The following PDSS2 variants were observed in gnomAD, a reference collection of about 807,000 sequenced individuals.
PDSS2 encodes the protein all trans-polyprenyl-diphosphate synthase PDSS2.
In PDSS2, 31 loss-of-function variants were observed where a neutral mutation model predicts 44.5. The observed-to-expected ratio is 0.70, with a 90% confidence interval of 0.52 to 0.94. The LOEUF (loss-of-function observed/expected upper bound fraction) is 0.94, where lower values mean the gene tolerates loss of function less well. Ranked by LOEUF, PDSS2 falls within the 40% of genes least tolerant of loss-of-function variation. The pLI is 0.00. For missense variants in PDSS2, 452 were observed against 482.2 expected (o/e 0.94, Z 0.59); for synonymous variants, 157 against 180.3 (o/e 0.87, Z 1.03).
intron 1 of PDSS2, among the ~76,000 whole-genome samples, chr6:107,446,179 G>A (rs1392378442): frequency 6.6e-6 from 1 of 152,052 alleles, no homozygotes; most frequent in Non-Finnish European, 1.5e-5. Context: ...AGCTGGGCGT[G>A]GTGGTGCACA....
chr6:107,323,166 G>T (rs995235059), intron 2 of PDSS2, among the ~76,000 whole-genome samples: 17 of 152,170 alleles, frequency 1.1e-4, no homozygotes, highest in African/African-American at 3.9e-4. Context: ...GAACCCAATG[G>T]TGACTGTGGA....
chr6:107,254,281 C>G (rs1489569052), intron 3 of PDSS2, among the ~76,000 whole-genome samples: 1 of 151,938 alleles, frequency 6.6e-6, no homozygotes, highest in Non-Finnish European at 1.5e-5. Context: ...ATCTGCCCAC[C>G]TTGGCTTCCC....
chr6:107,311,814 C>T (rs984550277), intron 2 of PDSS2, among the ~76,000 whole-genome samples: 2 of 152,092 alleles, frequency 1.3e-5, no homozygotes, highest in Non-Finnish European at 2.9e-5. Context: ...TGACTATTGA[C>T]CTTTTAGGAT....
chr6:107,412,262 C>T (rs1191833933), intron 1 of PDSS2, among the ~76,000 whole-genome samples: 5 of 92,498 alleles, frequency 5.4e-5, no homozygotes, highest in Admixed American at 1.6e-4. Context: ...TTTTTTGAGA[C>T]GGAGTCTCAC....
intron 2 of PDSS2, among the ~76,000 whole-genome samples, chr6:107,278,387 G>A (rs534243140): frequency 9.2e-5 from 14 of 152,150 alleles, no homozygotes; most frequent in East Asian, 7.7e-4. Flanking sequence ...TAAAATTACC[G>A]TTTAAAAAGT....
intron 1 of PDSS2, among the ~76,000 whole-genome samples, chr6:107,354,203 A>G (rs1778524519): frequency 6.6e-6 from 1 of 152,226 alleles, no homozygotes; most frequent in South Asian, 2.1e-4. Flanking sequence ...AAGACTTTGT[A>G]CAAATGTTTT....
intron 7 of PDSS2, among the ~76,000 whole-genome samples, chr6:107,191,104 G>C (rs1253783710): frequency 6.6e-6 from 1 of 152,102 alleles, no homozygotes; most frequent in Non-Finnish European, 1.5e-5. Flanking sequence ...TGTTAGCCAG[G>C]ATGGTCTCGA....
intron 4 of PDSS2, among the ~76,000 whole-genome samples, chr6:107,213,710 T>C (rs1432108475): frequency 2.6e-5 from 4 of 152,150 alleles, no homozygotes; most frequent in African/African-American, 7.2e-5. Flanking sequence ...TGAGTCGAGA[T>C]TGCACCCCTG....
intron 1 of PDSS2, among the ~76,000 whole-genome samples, chr6:107,411,964 C>T (rs1780514136): frequency 6.7e-6 from 1 of 149,436 alleles, no homozygotes; most frequent in African/African-American, 2.5e-5. Context: ...TGGCTCACTG[C>T]AACCTCCGCC....
chr6:107,454,601 G>C (rs1781975978), intron 1 of PDSS2, among the ~76,000 whole-genome samples: 1 of 151,330 alleles, frequency 6.6e-6, no homozygotes, highest in Admixed American at 6.6e-5. Flanking sequence ...AGATGTCTTA[G>C]GTAAAGAGAT....
At chr6:107,442,757 T>A (rs2114812629) in intron 1 of PDSS2, among the ~76,000 whole-genome samples, 1 of 152,330 alleles carries the variant, frequency 6.6e-6, no homozygotes, top group East Asian at 1.9e-4. Flanking sequence ...GTTCTTTCAC[T>A]CTCACAATTA....
intron 1 of PDSS2, 68 bp downstream of exon 1, chr6:107,458,922 C>T: frequency 1.4e-6 from 2 of 1,400,418 alleles, no homozygotes; most frequent in Non-Finnish European, 1.0e-6. Context: ...AGCTAGAATG[C>T]GTATGCCCGC....
chr6:107,214,951 A>C (rs113481719), intron 4 of PDSS2, among the ~76,000 whole-genome samples: 2 of 152,314 alleles, frequency 1.3e-5, no homozygotes, highest in Non-Finnish European at 2.9e-5. Flanking sequence ...TGAACAACAA[A>C]AAAAATTCCA....
At chr6:107,266,721 T>C (rs2114909837) in intron 3 of PDSS2, among the ~76,000 whole-genome samples, 1 of 152,336 alleles carries the variant, frequency 6.6e-6, no homozygotes, top group Non-Finnish European at 1.5e-5. Flanking sequence ...GCTAAGTTTT[T>C]CTTTTTCTTT....
At chr6:107,455,669 G>A (rs1194085475) in intron 1 of PDSS2, among the ~76,000 whole-genome samples, 1 of 138,854 alleles carries the variant, frequency 7.2e-6, no homozygotes, top group Non-Finnish European at 1.5e-5. Context: ...CAGGAGAATT[G>A]CTTGAACCAG....
chr6:107,277,146 C>T (rs938807969), intron 2 of PDSS2, among the ~76,000 whole-genome samples: 2 of 152,104 alleles, frequency 1.3e-5, no homozygotes, highest in African/African-American at 4.8e-5. Context: ...TCTATCTTTC[C>T]TTTTTTTCTG....
chr6:107,211,310 G>A (rs9400105), intron 5 of PDSS2, among the ~76,000 whole-genome samples: 39,813 of 151,452 alleles, frequency 0.26, 5,429 homozygotes, highest in East Asian at 0.35. Context: ...CAACAACACA[G>A]CAGCTAATCT....
At chr6:107,178,795 C>T (rs946700570) in intron 7 of PDSS2, among the ~76,000 whole-genome samples, 2 of 151,868 alleles carry the variant, frequency 1.3e-5, no homozygotes, top group African/African-American at 2.4e-5. Context: ...CTGAGGTGGG[C>T]GGATCACTTG....
chr6:107,188,203 C>T (rs1247518019), intron 7 of PDSS2, among the ~76,000 whole-genome samples: 1 of 152,050 alleles, frequency 6.6e-6, no homozygotes, highest in Non-Finnish European at 1.5e-5. Context: ...TGTGGTAAAA[C>T]CCCATCTCTA....
Sources: gnomAD v4.1 joint callset for allele counts (sites outside exome capture counted in the v4.1 genomes callset) on GRCh38, gnomAD v4.1.1 for gene constraint, MANE v1.5 for transcripts, NCBI Gene and HGNC (gene_info 2026-07-23, HGNC 2026-07-21) for gene names.